The following CDC42BPB variants were observed in gnomAD, a reference collection of about 807,000 sequenced individuals.
CDC42BPB encodes the protein CDC42 binding protein kinase beta, also known as serine/threonine-protein kinase MRCK beta.
In CDC42BPB, 37 loss-of-function variants were observed where a neutral mutation model predicts 214.9. The observed-to-expected ratio is 0.17, with a 90% CI of 0.13 to 0.23. The LOEUF is 0.23. Among genes scored for constraint, CDC42BPB ranks in the 10% least tolerant of loss-of-function variants. CDC42BPB has a pLI of 1.00. For synonymous variants in CDC42BPB, 931 were observed against 884.0 expected (o/e 1.05, Z -0.94); for missense variants, 1,694 against 2,227.0 (o/e 0.76, Z 4.82).
At chr14:102,992,143 TG>T (rs902811036) in intron 5 of CDC42BPB, among the ~76,000 whole-genome samples, 5 of 151,762 alleles carry the variant, frequency 3.3e-5, no homozygotes, top group African/African-American at 1.2e-4. Context: ...GAGGGAGTGA[TG>T]GGGGAGCCCC....
chr14:102,966,737 T>TCCAA (rs1469235669), intron 17 of CDC42BPB, among the ~76,000 whole-genome samples: 1 of 152,218 alleles, frequency 6.6e-6, no homozygotes, highest in Admixed American at 6.5e-5. Flanking sequence ...CCCAGCTCGC[T>TCCAA]CCAAGTCTCC....
rs567768068 is a variant in CDC42BPB at position 103,007,933 on chromosome 14, GGCAGGCAGGAGGGAGACCAAT to G, written c.351+518_351+538del. 1.4e-3 allele frequency among the ~76,000 whole-genome samples: 210 copies of G among 152,324 alleles called. 2 individuals are homozygous for G. Among genetic ancestry groups the G allele is most frequent in the African/African-American group, 4.9e-3 (204 of 41,578 alleles). On this transcript the variant is annotated intron_variant, in intron 3 of 36. Transcript: ENST00000361246. ...TCCCCAGCAGGCCTGGCCTGCCTTA[GGCAGGCAGGAGGGAGACCAAT>G]GGCAGAGCACGCGGCTGTAGAGGTG... is the stretch of plus-strand genomic sequence containing the variant.
At chr14:102,983,332 C>A (rs1017884448) in intron 7 of CDC42BPB, among the ~76,000 whole-genome samples, 1 of 152,088 alleles carries the variant, frequency 6.6e-6, no homozygotes, top group Non-Finnish European at 1.5e-5. Context: ...TCAGAACCTC[C>A]TTCCCCTTCC....
intron 1 of CDC42BPB, among the ~76,000 whole-genome samples, chr14:103,050,461 T>TC (rs1419129408): frequency 6.6e-6 from 1 of 152,096 alleles, no homozygotes; most frequent in Non-Finnish European, 1.5e-5. Context: ...TAACATGACC[T>TC]CCCCAAATTC....
chr14:102,977,181 TA>T (rs1241515712), intron 9 of CDC42BPB, among the ~76,000 whole-genome samples: 1 of 151,048 alleles, frequency 6.6e-6, no homozygotes, highest in Non-Finnish European at 1.5e-5. Flanking sequence ...TCTACTAAAA[TA>T]AAAAAAATTA....
At chr14:102,956,327 C>T (rs1017969355) in intron 21 of CDC42BPB, 2 of 344,316 alleles carry the variant, frequency 5.8e-6, no homozygotes, top group African/African-American at 2.2e-5. Context: ...AACATCATTT[C>T]CCACCCAGTC....
chr14:102,966,006 T>A (rs1303604756), intron 18 of CDC42BPB, among the ~76,000 whole-genome samples: 5 of 152,142 alleles, frequency 3.3e-5, no homozygotes, highest in Non-Finnish European at 7.4e-5. Context: ...ATGAAATTAA[T>A]AAAAGCAAGC....
At chr14:102,934,073 CATTACAA>C (rs1413686351) in intron 36 of CDC42BPB, 2 of 1,282,848 alleles carry the variant, frequency 1.6e-6, no homozygotes, top group Non-Finnish European at 2.0e-6. Context: ...TGGTAATTAT[CATTACAA>C]AAGACAGCAA....
At chr14:103,048,119 G>A (rs926081039) in intron 1 of CDC42BPB, among the ~76,000 whole-genome samples, 6 of 152,122 alleles carry the variant, frequency 3.9e-5, no homozygotes, top group East Asian at 3.9e-4. Flanking sequence ...CAGGACACCC[G>A]GCCCAGGCTG....
At position 103,001,600 on chromosome 14, in the gene CDC42BPB, C is replaced by T. The variant is rs1483145358; in HGVS notation, c.448-1887G>A. ...AGAGCAGTGAGTGGGTGATGTTCCC[C>T]AGCTACGTTCAGAAGCCCAGGCACC... is the stretch of plus-strand genomic sequence containing the variant. On this transcript the variant is annotated intron_variant, in intron 4 of 36. Coordinates refer to ENST00000361246, the MANE Select transcript of CDC42BPB (RefSeq NM_006035.4). The surrounding 1 kb of genome is among the most constrained non-coding windows in gnomAD (Gnocchi z 5.8). Among the ~76,000 whole-genome samples, 1 of 152,190 alleles carries T rather than the reference C, an allele frequency of 6.6e-6. No homozygotes were observed. Among genetic ancestry groups the T allele is most frequent in the Non-Finnish European group, 1.5e-5 (1 of 68,028 alleles).
intron 1 of CDC42BPB, among the ~76,000 whole-genome samples, chr14:103,053,511 A>C (rs35965298): frequency 0.032 from 4,933 of 151,938 alleles, 92 homozygotes; most frequent in Admixed American, 0.061. Flanking sequence ...CCTGTAATCC[A>C]AGAACTTTGG....
intron 19 of CDC42BPB, 51 bp from the exon 20 acceptor site, chr14:102,963,206 G>A (rs576282204): frequency 6.4e-7 from 1 of 1,564,092 alleles, no homozygotes; most frequent in Admixed American, 1.8e-5. Flanking sequence ...GGTTGTCTGT[G>A]AGCTGGTATG....
intron 1 of CDC42BPB, among the ~76,000 whole-genome samples, chr14:103,017,026 A>G (rs1886504026): frequency 1.3e-5 from 2 of 152,332 alleles, no homozygotes; most frequent in East Asian, 1.9e-4. Context: ...ATCATAATCT[A>G]TTCAATAAAA....
chr14:102,966,466 C>T (rs1447470594), intron 17 of CDC42BPB, 79 bp from the exon 18 acceptor site: 1 of 1,571,118 alleles, frequency 6.4e-7, no homozygotes, highest in Admixed American at 1.7e-5. Context: ...ACGTTCCCGC[C>T]TTCCTCGGCA....
chr14:102,940,636 T>C, intron 30 of CDC42BPB: 2 of 481,192 alleles, frequency 4.2e-6, no homozygotes, highest in Non-Finnish European at 7.0e-6. Flanking sequence ...GAGATGTGAT[T>C]ATCCTGAAAG....
chr14:103,016,072 C>T (rs536495423), intron 1 of CDC42BPB, among the ~76,000 whole-genome samples: 1 of 152,320 alleles, frequency 6.6e-6, no homozygotes, highest in South Asian at 2.1e-4. Context: ...AAAACTGAAA[C>T]TCAGACCCCT....
intron 1 of CDC42BPB, among the ~76,000 whole-genome samples, chr14:103,029,953 T>C (rs979996741): frequency 7.0e-6 from 1 of 143,834 alleles, no homozygotes; most frequent in South Asian, 2.2e-4. Context: ...AAAACAGCAA[T>C]AGCAATCCAT....
chr14:102,958,385 T>C (rs545496108), intron 21 of CDC42BPB, among the ~76,000 whole-genome samples: 2 of 152,276 alleles, frequency 1.3e-5, no homozygotes, highest in South Asian at 4.2e-4. Flanking sequence ...GTGAGGGACA[T>C]GTACACATGC....
chr14:102,986,513 A>G lies in CDC42BPB; in HGVS notation c.664T>C (p.Cys222Arg). The change falls in exon 6 of 37, where the codon TGT becomes CGT. Residue 222 changes from cysteine to arginine, a missense_variant. By Grantham distance (180) the Cys-to-Arg change is radical. This residue lies in a region of CDC42BPB where 225 missense variants were observed against 459.3 expected (regional missense o/e 0.49). Transcript: ENST00000361246. ...GTGCCATCATCATTCATCTTCAAAC[A>G]TGATCCAAAGTCAGCCAGGCGGATA... Reference protein sequence around the residue: ...GHIRLADFGSCLKMNDDGTVQ... With the variant: ...GHIRLADFGSRLKMNDDGTVQ... The G allele has an allele frequency of 6.2e-7, 1 of 1,613,982 alleles. No homozygotes were observed. The highest frequency in any genetic ancestry group is 1.3e-5 in the African/African-American group (1 of 75,064).
Sources: allele counts gnomAD v4.1 joint callset (sites outside exome capture counted in the v4.1 genomes callset), GRCh38; gene constraint gnomAD v4.1.1; regional missense constraint gnomAD v4.1.1; non-coding constraint Gnocchi (gnomAD v3.1); transcripts MANE v1.5; gene names NCBI Gene and HGNC (gene_info 2026-07-23, HGNC 2026-07-21).